Variants in BRSK1 observed in about 807,000 individuals in gnomAD.
BRSK1 encodes BR serine/threonine kinase 1, also known as serine/threonine-protein kinase BRSK1.
A neutral mutation model predicts 86.2 loss-of-function variants in BRSK1; 17 were observed. The observed-to-expected ratio is 0.20, with a 90% CI of 0.14 to 0.30. The LOEUF (loss-of-function observed/expected upper bound fraction) is 0.30. Among genes scored for constraint, BRSK1 ranks in the 10% least tolerant of loss-of-function variants. The probability of loss-of-function intolerance (pLI) is 1.00; values close to 1 mark genes in which losing one functional copy is unlikely to be tolerated. For synonymous variants in BRSK1, 464 were observed against 440.1 expected, an observed-to-expected ratio of 1.05 and a Z score of -0.68; for missense variants, 719 against 1,071.9, an observed-to-expected ratio of 0.67 and a Z score of 4.60.
At position 55,304,689 on chromosome 19, in the gene BRSK1, A is replaced by G; in HGVS notation, c.1486A>G (p.Ser496Gly). Residue 496 changes from serine to glycine, a missense_variant, in exon 14 of 19, where the codon AGT becomes GGT. Around this residue, in one of 6 missense-constraint regions of BRSK1, gnomAD observed 143 missense variants for 120.1 expected, o/e 1.19. Coordinates refer to ENST00000309383, the MANE Select transcript of BRSK1 (RefSeq NM_032430.2). The surrounding 1 kb of genome is among the most constrained non-coding windows in gnomAD (Gnocchi z 5.2). Reference sequence around the variant, plus strand: ...CGCCGGGGAGCAGCCCCCGCCCCCCAGTGCCCGCTCCACACCCCTGCCCGG... The same window carrying G: ...CGCCGGGGAGCAGCCCCCGCCCCCCGGTGCCCGCTCCACACCCCTGCCCGG... ...GGAGEQPPPP[S>G]ARSTPLPGPP... is the part of the protein sequence containing the mutation. The G allele has an allele frequency of 7.6e-7, 1 of 1,316,804 alleles. No individual in the cohort carries two copies. The highest frequency in any genetic ancestry group is 9.8e-7 in the Non-Finnish European group (1 of 1,025,440). The allele number at this position is 1,316,804 out of a possible 1,614,324, so 81.6% of individuals were successfully genotyped here.
At position 55,305,854 on chromosome 19, in the gene BRSK1, G is replaced by A. The variant is rs182547200; in HGVS notation, c.1890+268G>A. Among the ~76,000 whole-genome samples the A allele has an allele frequency of 5.3e-5, 8 of 152,332 alleles. No homozygotes were observed. The East Asian group carries it at 5.8e-4, about 11-fold the overall frequency. The stretch of plus-strand genomic sequence containing the variant: ...CCTACTGCGAGGTTTGAAACTAGCC[G>A]AAGAAACTTCCCAGGCAATGTTAAG... On this transcript the variant is annotated intron_variant, in intron 16 of 18. Transcript: ENST00000309383.
At chr19:55,305,789 T>C (rs1304284977) in intron 16 of BRSK1, among the ~76,000 whole-genome samples, 1 of 152,202 alleles carries the variant, frequency 6.6e-6, no homozygotes, top group Non-Finnish European at 1.5e-5. Context: ...AATAGGATCC[T>C]GAATTGCAAT....
chr19:55,286,053 T>TCAGG (rs2088307703), intron 1 of BRSK1, among the ~76,000 whole-genome samples: 2 of 53,928 alleles, frequency 3.7e-5, no homozygotes, highest in Admixed American at 4.7e-4. Context: ...GGGTCTGGAG[T>TCAGG]GCTGGGTCTG....
At chr19:55,299,889 G>T (rs2088545613) in intron 7 of BRSK1, among the ~76,000 whole-genome samples, 1 of 152,064 alleles carries the variant, frequency 6.6e-6, no homozygotes, top group African/African-American at 2.4e-5. Context: ...GATACCAGGG[G>T]CAACTGGGAG....
Position 55,302,025 on chromosome 19 carries a change from G to A in BRSK1, c.826-112G>A. 1 of 1,210,280 alleles carries A rather than the reference G, an allele frequency of 8.3e-7. No individual in the cohort carries two copies. Among genetic ancestry groups the A allele is most frequent in the Non-Finnish European group, 1.2e-6 (1 of 813,918 alleles). The allele number at this position is 1,210,280 out of a possible 1,614,324, so 75.0% of individuals were successfully genotyped here. Reference sequence around the variant, plus strand: ...TGTAATATGTCATCCTGCCCCCGGTGGGGTGGGCGGGGAGATGATCAGGGA... The same window carrying A: ...TGTAATATGTCATCCTGCCCCCGGTAGGGTGGGCGGGGAGATGATCAGGGA... On this transcript the variant is annotated intron_variant, in intron 8 of 18. Transcript: ENST00000309383. The surrounding 1 kb of genome is among the most constrained non-coding windows in gnomAD (Gnocchi z 6.3).
At position 55,294,297 on chromosome 19, in the gene BRSK1, G is replaced by A; in HGVS notation, c.610-32G>A. The A allele has an allele frequency of 2.5e-6, 4 of 1,614,184 alleles. No individual in the cohort carries two copies. Among genetic ancestry groups the A allele is most frequent in the Non-Finnish European group, 3.4e-6 (4 of 1,180,052 alleles). Reference sequence around the variant, plus strand: ...AGAGGGGTGGAGGCAGCAGTGAGGAGCGATGAAGTCACAACTGGCCTTCCC... The same window carrying A: ...AGAGGGGTGGAGGCAGCAGTGAGGAACGATGAAGTCACAACTGGCCTTCCC... On this transcript the variant is annotated intron_variant, in intron 6 of 18. Transcript: ENST00000309383. This position sits in a 1 kb window ranked among gnomAD's most constrained non-coding sequence, Gnocchi z 4.9.
chr19:55,285,428 T>G (rs2088295634), intron 1 of BRSK1, among the ~76,000 whole-genome samples: 1 of 152,044 alleles, frequency 6.6e-6, no homozygotes, highest in Non-Finnish European at 1.5e-5. Context: ...GGCTGGGACC[T>G]GAGGTTCTTG....
At chr19:55,307,826 C>T (rs1176871305) in intron 17 of BRSK1, among the ~76,000 whole-genome samples, 1 of 148,212 alleles carries the variant, frequency 6.7e-6, no homozygotes, top group Non-Finnish European at 1.5e-5. Context: ...CGGTGGCATG[C>T]ACCTGTAGTC....
At chr19:55,297,440 A>T (rs1335763596) in intron 7 of BRSK1, among the ~76,000 whole-genome samples, 1 of 152,048 alleles carries the variant, frequency 6.6e-6, no homozygotes, top group Admixed American at 6.5e-5. Flanking sequence ...AGTCCCAGGG[A>T]GGGGAAGTGA....
intron 7 of BRSK1, among the ~76,000 whole-genome samples, chr19:55,297,978 A>C (rs1323110486): frequency 2.6e-5 from 4 of 151,726 alleles, no homozygotes; most frequent in Non-Finnish European, 5.9e-5. Context: ...ATGCCTGGCT[A>C]ATTTTTTTGT....
intron 4 of BRSK1, among the ~76,000 whole-genome samples, chr19:55,292,496 T>A (rs2088422048): frequency 6.6e-6 from 1 of 152,138 alleles, no homozygotes; most frequent in Non-Finnish European, 1.5e-5. Flanking sequence ...AGGCTTCCTC[T>A]TACTTTCTCT....
At chr19:55,309,412 C>CT (rs1568990691) in intron 18 of BRSK1, among the ~76,000 whole-genome samples, 1 of 152,172 alleles carries the variant, frequency 6.6e-6, no homozygotes, top group African/African-American at 2.4e-5. Flanking sequence ...TTCGTTCAGG[C>CT]TACTATAAGA....
At position 55,295,229 on chromosome 19, in the gene BRSK1, C is replaced by T. The variant is rs370868579; in HGVS notation, c.678+832C>T. Among the ~76,000 whole-genome samples, 4 of 152,054 alleles carry T rather than the reference C, an allele frequency of 2.6e-5. No homozygotes were observed. The South Asian group carries it at 8.3e-4, about 32-fold the overall frequency. On this transcript the variant is annotated intron_variant, in intron 7 of 18. Coordinates refer to ENST00000309383, the MANE Select transcript of BRSK1 (RefSeq NM_032430.2). The stretch of plus-strand genomic sequence containing the variant: ...TCTCAATCTCCCAGGCTCAAGCAGT[C>T]CTCCCGCCTCAGCCTCCCGAGCAGC...
chr19:55,298,215 T>C (rs2088518913), intron 7 of BRSK1, among the ~76,000 whole-genome samples: 2 of 137,278 alleles, frequency 1.5e-5, no homozygotes, highest in Non-Finnish European at 3.1e-5. Context: ...TCTTCTTTTT[T>C]TTTTTTTTTT....
At chr19:55,291,330 G>C (rs2122944869) in intron 4 of BRSK1, among the ~76,000 whole-genome samples, 1 of 151,980 alleles carries the variant, frequency 6.6e-6, no homozygotes, top group Non-Finnish European at 1.5e-5. Flanking sequence ...CCTGAGCTCA[G>C]GAGTTCGAGA....
chr19:55,304,554 C>G lies in BRSK1; in HGVS notation c.1351C>G (p.Pro451Ala). The G allele has an allele frequency of 6.3e-7, 1 of 1,580,992 alleles. No homozygotes were observed. The highest frequency in any genetic ancestry group is 8.6e-7 in the Non-Finnish European group (1 of 1,166,730). Residue 451 changes from proline (P) to alanine (A), a missense_variant, in exon 14 of 19, where the codon CCG (proline) becomes GCG (alanine). Coordinates refer to ENST00000309383, the MANE Select transcript of BRSK1 (RefSeq NM_032430.2). The surrounding 1 kb of genome is among the most constrained non-coding windows in gnomAD (Gnocchi z 5.2). Reference protein sequence around the residue: ...SSSPLSSPRSPVFSFSPEPGA... With the variant: ...SSSPLSSPRSAVFSFSPEPGA... Reference sequence around the variant, plus strand: ...CTCAGTCTCCTGTCCTCTGCAGAGTCCGGTCTTTTCCTTTTCACCGGAGCC... The same window carrying G: ...CTCAGTCTCCTGTCCTCTGCAGAGTGCGGTCTTTTCCTTTTCACCGGAGCC...
In BRSK1 at chr19:55,306,463, G is replaced by T; in HGVS notation, c.2089+13G>T. 1 of 1,610,692 alleles carries T rather than the reference G, an allele frequency of 6.2e-7. No homozygotes were observed. On this transcript the variant is annotated intron_variant, in intron 17 of 18. Transcript: ENST00000309383. This position sits in a 1 kb window ranked among gnomAD's most constrained non-coding sequence, Gnocchi z 4.7. Reference sequence around the variant, plus strand: ...ACTCTCATCTCGGGTGAGTCTCTTGGCTAGGCTGCCTGCAGCCCAGTGCTG... The same window carrying T: ...ACTCTCATCTCGGGTGAGTCTCTTGTCTAGGCTGCCTGCAGCCCAGTGCTG...
Position 55,303,277 on chromosome 19 carries a change from T to C in BRSK1, c.1029-34T>C. ...TTGATGTTGGACCTCAGCCCTCTGCTACCTCTTTCCACCTTTCCCACCCCC... is the reference window on the plus strand; with the variant it reads ...TTGATGTTGGACCTCAGCCCTCTGCCACCTCTTTCCACCTTTCCCACCCCC... On this transcript the variant is annotated intron_variant, in intron 10 of 18. Coordinates refer to ENST00000309383, the MANE Select transcript of BRSK1 (RefSeq NM_032430.2). The surrounding 1 kb of genome is among the most constrained non-coding windows in gnomAD (Gnocchi z 5.1). 1 of 1,549,890 alleles carries C rather than the reference T, an allele frequency of 6.5e-7. No homozygotes were observed.
rs759394711 is a variant in BRSK1, at chr19:55,304,665, G to A, written c.1462G>A (p.Ala488Thr). 5.4e-6 allele frequency: 8 copies of A among 1,493,496 alleles called. No individual in the cohort carries two copies. The highest frequency in any genetic ancestry group is 4.9e-5 in the East Asian group (2 of 40,886). The allele number at this position is 1,493,496 out of a possible 1,614,324, so 92.5% of individuals were successfully genotyped here. The change falls in exon 14 of 19, where the codon GCC becomes ACC. Residue 488 changes from alanine to threonine, a missense_variant. By Grantham distance (58) the Ala-to-Thr change is moderately conservative. Coordinates refer to ENST00000309383, the MANE Select transcript of BRSK1 (RefSeq NM_032430.2). This position sits in a 1 kb window ranked among gnomAD's most constrained non-coding sequence, Gnocchi z 5.2. ...LPSRGPRGGG[A>T]GEQPPPPSAR... ...TTCTCGGGGCCCCAGGGGTGGGGGC[G>A]CCGGGGAGCAGCCCCCGCCCCCCAG... is the stretch of plus-strand genomic sequence containing the variant.
Sources: gnomAD v4.1 joint callset for allele counts (sites outside exome capture counted in the v4.1 genomes callset) on GRCh38, gnomAD v4.1.1 for gene constraint, gnomAD v4.1.1 regional missense constraint, Gnocchi (gnomAD v3.1) non-coding constraint, MANE v1.5 for transcripts, NCBI Gene and HGNC (gene_info 2026-07-23, HGNC 2026-07-21) for gene names.